Variants in RUNX1 observed in about 807,000 individuals in gnomAD.
RUNX1 encodes runt-related transcription factor 1.
A neutral mutation model predicts 42.8 loss-of-function variants in RUNX1; 19 were observed. The ratio of observed to expected loss-of-function variants is 0.44; its 90% CI spans 0.31 to 0.65. RUNX1 has a LOEUF of 0.65. RUNX1 is among the 30% of genes least tolerant of loss of function. The pLI is 0.07. For synonymous variants in RUNX1, 271 were observed against 289.4 expected (o/e 0.94, Z 0.64); for missense variants, 528 against 672.0 (o/e 0.79, Z 2.37).
chr21:34,908,879 A>C (rs2058247845), intron 2 of RUNX1, among the ~76,000 whole-genome samples: 1 of 152,144 alleles, frequency 6.6e-6, no homozygotes, highest in Non-Finnish European at 1.5e-5. Flanking sequence ...ATAATTCTAA[A>C]GAAAGAGGAA....
At chr21:34,948,071 T>C (rs1364370171) in intron 2 of RUNX1, among the ~76,000 whole-genome samples, 1 of 150,534 alleles carries the variant, frequency 6.6e-6, no homozygotes, top group Non-Finnish European at 1.5e-5. Flanking sequence ...CACCCCGACA[T>C]AAATTCAAAA....
chr21:34,921,601 T>C (rs1220044564), intron 2 of RUNX1, among the ~76,000 whole-genome samples: 1 of 151,642 alleles, frequency 6.6e-6, no homozygotes. Flanking sequence ...AGTGCACAAA[T>C]ATAAACATTC....
At position 34,939,237 on chromosome 21, in the gene RUNX1, T is replaced by C. The variant is rs182949767; in HGVS notation, c.59-46274A>G. On this transcript the variant is annotated intron_variant, in intron 2 of 8. Coordinates refer to ENST00000675419, the MANE Select transcript of RUNX1 (RefSeq NM_001754.5). ...GTTCAAGAAATAGAATGTGATACTTTGCTAGGCTCAACAGATACACTTTTT... is the reference window on the plus strand; with the variant it reads ...GTTCAAGAAATAGAATGTGATACTTCGCTAGGCTCAACAGATACACTTTTT... Among the ~76,000 whole-genome samples, 73 of 152,372 alleles carry C rather than the reference T, an allele frequency of 4.8e-4. 1 individual carries two copies. Among genetic ancestry groups the C allele is most frequent in the African/African-American group, 1.6e-3 (68 of 41,586 alleles).
At position 34,789,757 on chromosome 21, in the gene RUNX1, GC is replaced by G. The variant is rs1242949048; in HGVS notation, c.*2377del. 2.1e-5 allele frequency: 5 copies of G among 233,180 alleles called. No homozygotes were observed. Among genetic ancestry groups the G allele is most frequent in the Non-Finnish European group, 4.2e-5 (5 of 118,044 alleles). 14.4% of individuals were successfully genotyped at this position (233,180 alleles called of 1,614,324 possible). A position where few individuals can be genotyped will look rare whatever the true frequency, so the allele number is the denominator to read the frequency against. On this transcript the variant is annotated 3_prime_UTR_variant, in exon 9 of 9. Transcript: ENST00000675419. ...TCCAGTGAGCCTACAATAGTGACAAGCCCCCTCCACACATGGCTTTGAGAGT... is the reference window on the plus strand; with the variant it reads ...TCCAGTGAGCCTACAATAGTGACAAGCCCCTCCACACATGGCTTTGAGAGT...
At chr21:34,977,381 G>A (rs2058810893) in intron 2 of RUNX1, among the ~76,000 whole-genome samples, 1 of 152,172 alleles carries the variant, frequency 6.6e-6, no homozygotes, top group African/African-American at 2.4e-5. Context: ...ACAAGCTCTG[G>A]AAAACTACCC....
At chr21:34,834,052 C>T in intron 7 of RUNX1, 1 of 443,602 alleles carries the variant, frequency 2.3e-6, no homozygotes, top group Non-Finnish European at 4.3e-6. Context: ...TGTGTGTCTT[C>T]AAGCCTAATG....
intron 8 of RUNX1, among the ~76,000 whole-genome samples, chr21:34,795,037 A>T (rs1437610858): frequency 6.6e-6 from 1 of 152,034 alleles, no homozygotes; most frequent in Non-Finnish European, 1.5e-5. Flanking sequence ...CCAGGCTAGG[A>T]CTCTCCTCTT....
intron 7 of RUNX1, among the ~76,000 whole-genome samples, chr21:34,832,414 G>A (rs2057076394): frequency 1.3e-5 from 2 of 152,108 alleles, no homozygotes; most frequent in South Asian, 4.1e-4. Flanking sequence ...TCCCCCATGT[G>A]GCTGAATTTT....
chr21:35,025,163 A>G (rs139759043), intron 2 of RUNX1, among the ~76,000 whole-genome samples: 143 of 152,340 alleles, frequency 9.4e-4, no homozygotes, highest in African/African-American at 3.3e-3. Context: ...TCTGAAATAT[A>G]TGGCTAAAAT....
At chr21:34,909,612 G>C (rs889362475) in intron 2 of RUNX1, among the ~76,000 whole-genome samples, 1 of 107,884 alleles carries the variant, frequency 9.3e-6, no homozygotes, top group East Asian at 2.3e-4. Context: ...AAAAAAAGAT[G>C]GTGTTCTATT....
intron 2 of RUNX1, among the ~76,000 whole-genome samples, chr21:34,942,584 A>G (rs1272738808): frequency 6.6e-6 from 1 of 152,248 alleles, no homozygotes; most frequent in Non-Finnish European, 1.5e-5. Flanking sequence ...ATGGCATTAA[A>G]TACCAGGATC....
intron 7 of RUNX1, among the ~76,000 whole-genome samples, chr21:34,802,589 G>T (rs1892606): frequency 0.076 from 11,632 of 152,224 alleles, 1,163 homozygotes; most frequent in African/African-American, 0.24. Context: ...TGAATGGAAG[G>T]TTCCTGCCTT....
chr21:34,912,492 A>G (rs1313099566), intron 2 of RUNX1, among the ~76,000 whole-genome samples: 3 of 152,066 alleles, frequency 2.0e-5, no homozygotes, highest in Admixed American at 6.5e-5. Flanking sequence ...TCTGCTTAAC[A>G]TATTGCACCG....
intron 7 of RUNX1, among the ~76,000 whole-genome samples, chr21:34,823,632 C>A (rs192772551): frequency 1.1e-4 from 16 of 151,950 alleles, no homozygotes; most frequent in Admixed American, 2.6e-4. Context: ...TTAGTAGAGA[C>A]GGGGTTTTGC....
At chr21:34,796,937 TG>T (rs772019438) in intron 8 of RUNX1, among the ~76,000 whole-genome samples, 2 of 152,184 alleles carry the variant, frequency 1.3e-5, no homozygotes, top group African/African-American at 4.8e-5. Flanking sequence ...CAGGTGGGGC[TG>T]GGGCCGGGAA....
At chr21:35,042,868 A>G (rs1382564655) in intron 2 of RUNX1, among the ~76,000 whole-genome samples, 1 of 152,212 alleles carries the variant, frequency 6.6e-6, no homozygotes, top group African/African-American at 2.4e-5. Flanking sequence ...TCTTTCTGTC[A>G]CTGCAATAAA....
intron 2 of RUNX1, among the ~76,000 whole-genome samples, chr21:34,993,148 T>C (rs1052152822): frequency 6.6e-6 from 1 of 152,220 alleles, no homozygotes; most frequent in Non-Finnish European, 1.5e-5. Context: ...GGTGACTGCT[T>C]TGAGGAAGAC....
intron 6 of RUNX1, among the ~76,000 whole-genome samples, chr21:34,853,263 G>C (rs968651555): frequency 1.3e-5 from 2 of 152,192 alleles, no homozygotes; most frequent in African/African-American, 4.8e-5. Context: ...AGGTGTGGGA[G>C]GGGAGGGTAC....
intron 6 of RUNX1, 37 bp from the exon 7 acceptor site, chr21:34,834,638 AGGGAAGGAG>A: frequency 3.0e-5 from 32 of 1,069,760 alleles, no homozygotes; most frequent in Non-Finnish European, 4.3e-5. Context: ...GGATGGGGGG[AGGGAAGGAG>A]GGAGGGAAGA....
Sources: gnomAD v4.1 joint callset for allele counts (sites outside exome capture counted in the v4.1 genomes callset) on GRCh38, gnomAD v4.1.1 for gene constraint, MANE v1.5 for transcripts, NCBI Gene and HGNC (gene_info 2026-07-23, HGNC 2026-07-21) for gene names.